TMEM200C: variants seen among roughly 807,000 people sequenced by gnomAD.
TMEM200C encodes the protein transmembrane protein 200C.
For synonymous variants in TMEM200C, 462 were observed against 324.7 expected (o/e 1.42, Z -4.55); for missense variants, 966 against 699.9 (o/e 1.38, Z -4.29).
exon 3 of TMEM200C, chr18:5,884,510 A>C (rs2095163974): frequency 6.6e-6 from 1 of 152,196 alleles, no homozygotes; most frequent in Non-Finnish European, 1.5e-5. Context: ...TTTCACAGAC[A>C]CAAAAAGGAT....
At chr18:5,894,891 G>GA (rs1223224716) in intron 2 of TMEM200C, 139 bp downstream of exon 1, 1 of 152,304 alleles carries the variant, frequency 6.6e-6, no homozygotes, top group Non-Finnish European at 1.5e-5. Flanking sequence ...GCCAGCCCGG[G>GA]AAAAAGCCTC....
At chr18:5,884,652 C>A (rs1158114479) in exon 3 of TMEM200C, 3 of 152,226 alleles carry the variant, frequency 2.0e-5, no homozygotes, top group East Asian at 3.9e-4. Context: ...CAGCTGCTTA[C>A]TATACAGGTG....
chr18:5,890,561 G>A, exon 3 of TMEM200C: 1 of 1,408,526 alleles, frequency 7.1e-7, no homozygotes, highest in Non-Finnish European at 9.3e-7. Flanking sequence ...AGGCGGCCTT[G>A]GCCAGAGGGC....
intron 1 of TMEM200C, among the ~76,000 whole-genome samples, 109 bp from the exon 1 acceptor site, chr18:5,895,631 T>TC (rs1164413570): frequency 1.0e-5 from 1 of 98,228 alleles, no homozygotes; most frequent in East Asian, 3.1e-4. Context: ...CCTTCCCCGC[T>TC]CCCCCGCGTC....
exon 3 of TMEM200C, chr18:5,888,643 T>C (rs1165347791): frequency 6.6e-6 from 1 of 152,172 alleles, no homozygotes; most frequent in African/African-American, 2.4e-5. Context: ...TCAAGGAAGG[T>C]CCATTCTTCT....
At chr18:5,887,483 T>G (rs912857257) in exon 3 of TMEM200C, 9 of 152,194 alleles carry the variant, frequency 5.9e-5, no homozygotes, top group African/African-American at 2.2e-4. Flanking sequence ...TTTGATGGTC[T>G]CCAGAAATGC....
chr18:5,884,130 A>G (rs896791732), exon 3 of TMEM200C: 1 of 152,130 alleles, frequency 6.6e-6, no homozygotes, highest in Admixed American at 6.6e-5. Context: ...GCTACTTATA[A>G]AGGAGACATC....
exon 3 of TMEM200C, chr18:5,887,718 C>G (rs554412743): frequency 6.6e-6 from 1 of 152,278 alleles, no homozygotes; most frequent in Non-Finnish European, 1.5e-5. Context: ...AGTACTGAAC[C>G]CACAGTAAGT....
chr18:5,891,349 C>T lies in TMEM200C; in HGVS notation c.715G>A (p.Ala239Thr). Residue 239 changes from alanine (A) to threonine (T), a missense_variant, in exon 3 of 3, where the codon GCG becomes ACG. Ala to Thr is a moderately conservative substitution (Grantham distance 58). Transcript: ENST00000581347. The surrounding 1 kb of genome is among the most constrained non-coding windows in gnomAD (Gnocchi z 4.7). Reference sequence around the variant, plus strand: ...AGCGGTATGGCCCCGGGGGGCGCCGCGGCGGGGGCAGACGACGACGAAGAG... The same window carrying T: ...AGCGGTATGGCCCCGGGGGGCGCCGTGGCGGGGGCAGACGACGACGAAGAG... 7.5e-7 allele frequency: 1 copy of T among 1,326,636 alleles called. No homozygotes were observed. Among genetic ancestry groups the T allele is most frequent in the Non-Finnish European group, 9.6e-7 (1 of 1,041,120 alleles). The allele number at this position is 1,326,636 out of a possible 1,614,324, so 82.2% of individuals were successfully genotyped here.
chr18:5,890,171 T>G (rs1310720808), exon 3 of TMEM200C: 1 of 1,493,720 alleles, frequency 6.7e-7, no homozygotes, highest in Non-Finnish European at 9.0e-7. Flanking sequence ...CATTTTCTCT[T>G]TCCTCCTCCC....
rs2095171532 is a variant in TMEM200C at position 5,891,820 on chromosome 18, T to G, written c.244A>C (p.Asn82His). The G allele has an allele frequency of 1.2e-6, 2 of 1,605,466 alleles. No individual in the cohort carries two copies. Among genetic ancestry groups the G allele is most frequent in the Non-Finnish European group, 1.7e-6 (2 of 1,177,894 alleles). Residue 82 changes from asparagine to histidine, a missense_variant, in exon 3 of 3, where the codon AAT becomes CAT. Transcript: ENST00000581347. The surrounding 1 kb of genome is among the most constrained non-coding windows in gnomAD (Gnocchi z 4.7). ...GGCAGCTGCTTACCCCCCTCCCGAT[T>G]GGTCCCGGTGGCCTTGGGCCAGTAG...
exon 3 of TMEM200C, chr18:5,889,122 G>T (rs897439990): frequency 6.6e-6 from 1 of 152,232 alleles, no homozygotes; most frequent in Admixed American, 6.5e-5. Context: ...TGATAGCCAA[G>T]AGGATGGGAA....
Position 5,891,311 on chromosome 18 carries a change from G to C in TMEM200C, c.753C>G (p.Leu251=). The change falls in exon 3 of 3, where the codon CTC becomes CTG. Residue 251 remains leucine (L), a synonymous_variant. Transcript: ENST00000581347. The surrounding 1 kb of genome is among the most constrained non-coding windows in gnomAD (Gnocchi z 4.7). ...CCAGGCCCCGCGACTGCACGTAGCTGAGGAAGCCGTTGAGCGGTATGGCCC... is the reference window on the plus strand; with the variant it reads ...CCAGGCCCCGCGACTGCACGTAGCTCAGGAAGCCGTTGAGCGGTATGGCCC... 1 of 1,410,524 alleles carries C rather than the reference G, an allele frequency of 7.1e-7. No individual in the cohort carries two copies. Among genetic ancestry groups the C allele is most frequent in the Non-Finnish European group, 9.3e-7 (1 of 1,076,868 alleles). The allele number at this position is 1,410,524 out of a possible 1,614,324, so 87.4% of individuals were successfully genotyped here. A position where few individuals can be genotyped will look rare whatever the true frequency, so the allele number is the denominator to read the frequency against.
rs2095175273 is a variant in TMEM200C, at chr18:5,895,540, C to G, written c.-545-60G>C. 6.8e-6 allele frequency: 1 copy of G among 147,864 alleles called. No individual in the cohort carries two copies. The highest frequency in any genetic ancestry group is 6.7e-5 in the Admixed American group (1 of 14,952). 9.2% of individuals were successfully genotyped at this position (147,864 alleles called of 1,614,324 possible). A position where few individuals can be genotyped will look rare whatever the true frequency, so the allele number is the denominator to read the frequency against. On this transcript the variant is annotated intron_variant, in intron 1 of 2. Coordinates refer to ENST00000581347, the Ensembl canonical transcript of TMEM200C. ...GGCAGGGTGGCGGTCGGGGCCCGCC[C>G]GGCTCGGCGGAGTCGGGGGGCGCCC...
exon 3 of TMEM200C, chr18:5,882,764 C>A (rs1232936527): frequency 2.6e-5 from 4 of 151,940 alleles, no homozygotes; most frequent in African/African-American, 9.7e-5. Context: ...TAATCCCAAG[C>A]AAGATTAATA....
At chr18:5,890,849 C>T (rs776201164) in exon 3 of TMEM200C, 10 of 679,166 alleles carry the variant, frequency 1.5e-5, no homozygotes, top group Non-Finnish European at 2.7e-5. Context: ...CGCGTTCCCC[C>T]GGAGGCCTCT....
At chr18:5,895,927 C>G (rs1244400698) in exon 1 of TMEM200C, 3 of 152,422 alleles carry the variant, frequency 2.0e-5, no homozygotes. Context: ...CCGAGGGGCG[C>G]TCTCGGGGAG....
exon 3 of TMEM200C, chr18:5,890,956 A>G (rs1213721478): frequency 4.5e-6 from 3 of 663,588 alleles, no homozygotes; most frequent in Non-Finnish European, 5.4e-6. Context: ...TCCACGAAGG[A>G]GCTGGCCGTG....
chr18:5,884,017 T>C (rs923230855), exon 3 of TMEM200C: 7 of 152,282 alleles, frequency 4.6e-5, no homozygotes, highest in Admixed American at 1.3e-4. Context: ...GCCCTGCTAG[T>C]GAAGGTCAGT....
Sources: allele counts gnomAD v4.1 joint callset (sites outside exome capture counted in the v4.1 genomes callset), GRCh38; gene constraint gnomAD v4.1.1; non-coding constraint Gnocchi (gnomAD v3.1); transcripts MANE v1.5; gene names NCBI Gene and HGNC (gene_info 2026-07-23, HGNC 2026-07-21).